The following VCAM1 variants were observed in gnomAD, a reference collection of about 807,000 sequenced individuals.
VCAM1 encodes the protein vascular cell adhesion molecule 1, also known as vascular cell adhesion protein 1.
A neutral mutation model predicts 63.8 loss-of-function variants in VCAM1; 41 were observed. The ratio of observed to expected loss-of-function variants is 0.64; its 90% CI spans 0.50 to 0.83. The LOEUF (loss-of-function observed/expected upper bound fraction) is 0.83, where lower values mean the gene tolerates loss of function less well. VCAM1 is among the 40% of genes least tolerant of loss of function. VCAM1 has a pLI of 0.00. For synonymous variants in VCAM1, 338 were observed against 320.7 expected (o/e 1.05, Z -0.58); for missense variants, 798 against 875.5 (o/e 0.91, Z 1.12).
At chr1:100,732,297 T>C (rs1660489423) in intron 6 of VCAM1, 121 bp from the exon 7 acceptor site, 2 of 1,050,378 alleles carry the variant, frequency 1.9e-6, no homozygotes, top group African/African-American at 1.6e-5. Flanking sequence ...TGTGGTGAAT[T>C]ATCAAGGTTT....
chr1:100,721,928 A>C (rs1659967916), intron 2 of VCAM1, among the ~76,000 whole-genome samples: 1 of 152,094 alleles, frequency 6.6e-6, no homozygotes, highest in Admixed American at 6.6e-5. Context: ...ATAGGAAAGA[A>C]TTTCCAGCTC....
chr1:100,738,078 C>A (rs1185353352), intron 8 of VCAM1, 45 bp from the exon 9 acceptor site: 1 of 1,588,582 alleles, frequency 6.3e-7, no homozygotes. Context: ...TAAATGCTAT[C>A]TTTTTGTACT....
intron 2 of VCAM1, among the ~76,000 whole-genome samples, chr1:100,722,263 T>C (rs1659980658): frequency 6.6e-6 from 1 of 152,076 alleles, no homozygotes; most frequent in Non-Finnish European, 1.5e-5. Flanking sequence ...GGAACACTTG[T>C]TGGGATAGTG....
Position 100,732,423 on chromosome 1 carries a change from C to A in VCAM1, c.1531C>A (p.Pro511Thr), listed in dbSNP as rs766767378. Residue 511 changes from proline to threonine, a missense_variant, in exon 7 of 9, where the codon CCC becomes ACC. By Grantham distance (38) the Pro-to-Thr change is conservative. Transcript: ENST00000294728. The part of the protein sequence containing the change: ...STQTLYVNVA[P>T]RDTTVLVSPS... Reference sequence around the variant, plus strand: ...AAGCGTCTCTGCCTTTTCAGTTGCCCCCAGAGATACAACCGTCTTGGTCAG... The same window carrying A: ...AAGCGTCTCTGCCTTTTCAGTTGCCACCAGAGATACAACCGTCTTGGTCAG... The A allele has an allele frequency of 6.4e-7, 1 of 1,556,320 alleles. No homozygotes were observed. The highest frequency in any genetic ancestry group is 8.7e-7 in the Non-Finnish European group (1 of 1,154,168).
intron 2 of VCAM1, 100 bp downstream of exon 2, chr1:100,720,851 T>C: frequency 7.4e-7 from 1 of 1,346,974 alleles, no homozygotes; most frequent in East Asian, 2.5e-5. Flanking sequence ...GATATTCATG[T>C]ACAGATTCTT....
intron 3 of VCAM1, among the ~76,000 whole-genome samples, chr1:100,723,823 C>T (rs931672652): frequency 6.6e-5 from 10 of 151,872 alleles, no homozygotes; most frequent in South Asian, 4.2e-4. Context: ...GGAAAAATGA[C>T]GGGGTTTGAT....
chr1:100,724,126 T>C (rs966905050), intron 3 of VCAM1, among the ~76,000 whole-genome samples: 5 of 152,118 alleles, frequency 3.3e-5, no homozygotes, highest in African/African-American at 7.2e-5. Flanking sequence ...AAGACAGTTA[T>C]ATGAAAGAGT....
intron 2 of VCAM1, among the ~76,000 whole-genome samples, chr1:100,721,109 T>C (rs1210068874): frequency 6.6e-6 from 1 of 152,290 alleles, no homozygotes; most frequent in Non-Finnish European, 1.5e-5. Flanking sequence ...ATGTGTCTGA[T>C]TGATTTATGA....
chr1:100,724,607 AT>A lies in VCAM1; in HGVS notation c.662-11del. ...ATGATGCTTAGCAATTGCTAATATT[AT>A]TTTTTGCCCTTTCAGTATCACCCAA... On this transcript the variant is annotated splice_polypyrimidine_tract_variant and intron_variant, in intron 3 of 8. Coordinates refer to ENST00000294728, the MANE Select transcript of VCAM1 (RefSeq NM_001078.4). 6.2e-7 allele frequency: 1 copy of A among 1,606,740 alleles called. No individual in the cohort carries two copies. The highest frequency in any genetic ancestry group is 8.5e-7 in the Non-Finnish European group (1 of 1,174,944).
intron 3 of VCAM1, 80 bp downstream of exon 3, chr1:100,723,420 T>TAA (rs34323941): frequency 1.4e-3 from 1,549 of 1,115,350 alleles, no homozygotes; most frequent in South Asian, 1.8e-3. Context: ...AGCAGAAAAG[T>TAA]AAAAAAAAAA....
intron 5 of VCAM1, among the ~76,000 whole-genome samples, chr1:100,730,616 T>G (rs976275005): frequency 1.3e-5 from 2 of 152,170 alleles, no homozygotes; most frequent in Admixed American, 1.3e-4. Context: ...ACTGAGAGAC[T>G]GCACAGCTCT....
chr1:100,719,769 T>C lies in VCAM1; in HGVS notation c.-92T>C. ...GGTATCTGCATCGGGCCTCACTGGC[T>C]TCAGGAGCTGAATACCCTCCCAGGC... is the stretch of plus-strand genomic sequence containing the variant. On this transcript the variant is annotated 5_prime_UTR_variant, in exon 1 of 9. Transcript: ENST00000294728. 1 of 1,352,758 alleles carries C rather than the reference T, an allele frequency of 7.4e-7. No individual in the cohort carries two copies. The highest frequency in any genetic ancestry group is 1.0e-6 in the Non-Finnish European group (1 of 973,940). The allele number at this position is 1,352,758 out of a possible 1,614,324, so 83.8% of individuals were successfully genotyped here.
rs3783610 is a variant in VCAM1, at chr1:100,719,847, G to T, written c.-14G>T. 1.2e-6 allele frequency: 2 copies of T among 1,610,228 alleles called. No homozygotes were observed. The highest frequency in any genetic ancestry group is 1.7e-5 in the Admixed American group (1 of 59,844). The stretch of plus-strand genomic sequence containing the variant: ...TTTGGAACCACTATTTTCTCATCAC[G>T]ACAGCAACTTAAAATGCCTGGGAAG... On this transcript the variant is annotated 5_prime_UTR_variant, in exon 1 of 9. Coordinates refer to ENST00000294728, the MANE Select transcript of VCAM1 (RefSeq NM_001078.4).
Position 100,723,346 on chromosome 1 carries a change from T to G in VCAM1, c.661+6T>G. 1 of 1,610,146 alleles carries G rather than the reference T, an allele frequency of 6.2e-7. No homozygotes were observed. The highest frequency in any genetic ancestry group is 2.2e-5 in the East Asian group (1 of 44,806). On this transcript the variant is annotated splice_donor_region_variant and intron_variant, in intron 3 of 8. Transcript: ENST00000294728. ...AAAAGAATTGCAAGTCTACAGTAAG[T>G]ACTTGTGCGATGTGTTCCAGTCTTT...
intron 4 of VCAM1, among the ~76,000 whole-genome samples, chr1:100,727,740 G>T (rs1660223593): frequency 6.6e-6 from 1 of 152,020 alleles, no homozygotes; most frequent in South Asian, 2.1e-4. Flanking sequence ...GTTTTTTAAA[G>T]TTCCTCATTC....
Position 100,724,886 on chromosome 1 carries a change from T to A in VCAM1, c.924T>A (p.Val308=). The part of the protein sequence containing the change: ...GKNRKEVELI[V]QEKPFTVEIS... ...ACAGAAAAGAGGTGGAATTAATTGT[T>A]CAAGGTGAGTAGAATGTGAAAAAGG... Residue 308 remains valine, a synonymous_variant, in exon 4 of 9, where the codon GTT becomes GTA. Coordinates refer to ENST00000294728, the MANE Select transcript of VCAM1 (RefSeq NM_001078.4). 6.2e-7 allele frequency: 1 copy of A among 1,612,268 alleles called. No individual in the cohort carries two copies.
At chr1:100,728,396 GC>G (rs1180220611) in intron 4 of VCAM1, among the ~76,000 whole-genome samples, 5 of 151,950 alleles carry the variant, frequency 3.3e-5, no homozygotes, top group Non-Finnish European at 5.9e-5. Context: ...TCCACTGTGG[GC>G]ATTATATCTA....
Position 100,723,028 on chromosome 1 carries a change from A to G in VCAM1, c.349A>G (p.Lys117Glu), listed in dbSNP as rs1204153033. The G allele has an allele frequency of 3.1e-6, 5 of 1,607,410 alleles. No individual in the cohort carries two copies. The highest frequency in any genetic ancestry group is 4.2e-6 in the Non-Finnish European group (5 of 1,176,946). The change falls in exon 3 of 9, where the codon AAG becomes GAG. Residue 117 changes from lysine to glutamate, a missense_variant. Physicochemically the swap from Lys to Glu is moderately conservative, Grantham distance 56 (BLOSUM62 1). Coordinates refer to ENST00000294728, the MANE Select transcript of VCAM1 (RefSeq NM_001078.4). Reference protein sequence around the residue: ...GIQVEIYSFPKDPEIHLSGPL... With the variant: ...GIQVEIYSFPEDPEIHLSGPL... The stretch of plus-strand genomic sequence containing the variant: ...TTGTTTGGCCTTTTCAGCTTTTCCT[A>G]AGGATCCAGAGATTCATTTGAGTGG...
Position 100,722,789 on chromosome 1 carries a change from C to G in VCAM1, c.341-231C>G, listed in dbSNP as rs148789662. ...TTCTTTCTTTTACTGTAATAACATG[C>G]AACTCTTAATATATACAGGATCAGA... On this transcript the variant is annotated intron_variant, in intron 2 of 8. Transcript: ENST00000294728. Among the ~76,000 whole-genome samples the G allele has an allele frequency of 2.8e-4, 43 of 152,184 alleles. 1 individual carries two copies. The highest frequency in any genetic ancestry group is 1.0e-3 in the African/African-American group (42 of 41,548).
Sources: gnomAD v4.1 joint callset for allele counts (sites outside exome capture counted in the v4.1 genomes callset) on GRCh38, gnomAD v4.1.1 for gene constraint, MANE v1.5 for transcripts, NCBI Gene and HGNC (gene_info 2026-07-23, HGNC 2026-07-21) for gene names.